Variants in DGCR2 observed in about 807,000 individuals in gnomAD.
The protein encoded by DGCR2 is DiGeorge syndrome critical region gene 2, also known as integral membrane protein DGCR2/IDD.
DGCR2 carries 24 observed loss-of-function variants against 51.6 expected under a neutral mutation model. The ratio of observed to expected loss-of-function variants is 0.47; its 90% CI spans 0.34 to 0.65. The LOEUF (loss-of-function observed/expected upper bound fraction) is 0.65, where lower values mean the gene tolerates loss of function less well. Ranked by LOEUF, DGCR2 falls within the 30% of genes least tolerant of loss-of-function variation. DGCR2 has a pLI of 0.01. For synonymous variants in DGCR2, 340 were observed against 315.4 expected, an observed-to-expected ratio of 1.08 and a Z score of -0.82; for missense variants, 765 against 772.1, an observed-to-expected ratio of 0.99 and a Z score of 0.11.
chr22:19,121,046 A>T (rs2083425992), intron 1 of DGCR2, among the ~76,000 whole-genome samples: 2 of 152,198 alleles, frequency 1.3e-5, no homozygotes, highest in South Asian at 2.1e-4. Flanking sequence ...AGATGACACA[A>T]GCGCAGAGCC....
At chr22:19,086,252 C>G (rs144058023) in intron 2 of DGCR2, among the ~76,000 whole-genome samples, 3 of 152,006 alleles carry the variant, frequency 2.0e-5, no homozygotes, top group African/African-American at 7.2e-5. Context: ...CCGAGGAGAG[C>G]GGATCACAAG....
chr22:19,082,819 G>A (rs1178931579), intron 2 of DGCR2, among the ~76,000 whole-genome samples: 2 of 151,966 alleles, frequency 1.3e-5, no homozygotes, highest in Admixed American at 6.6e-5. Context: ...GGGCGCAGTG[G>A]CTCATGCCCC....
chr22:19,100,616 A>T (rs2083191036), intron 1 of DGCR2, among the ~76,000 whole-genome samples: 1 of 151,606 alleles, frequency 6.6e-6, no homozygotes, highest in Admixed American at 6.6e-5. Context: ...CAGTGAGCCA[A>T]GATCGTGCCA....
chr22:19,082,230 T>TC (rs1248080369), intron 2 of DGCR2, among the ~76,000 whole-genome samples: 2 of 144,060 alleles, frequency 1.4e-5, no homozygotes, highest in Non-Finnish European at 3.0e-5. Flanking sequence ...TTCTTTTTTT[T>TC]TTTTTTTTTT....
intron 1 of DGCR2, among the ~76,000 whole-genome samples, chr22:19,116,932 T>C (rs1831775762): frequency 6.6e-6 from 1 of 151,586 alleles, no homozygotes; most frequent in African/African-American, 2.4e-5. Context: ...CCACTACTGC[T>C]AAGAGGAAAC....
intron 1 of DGCR2, among the ~76,000 whole-genome samples, chr22:19,115,365 G>T (rs1398464829): frequency 6.6e-6 from 1 of 152,158 alleles, no homozygotes; most frequent in Non-Finnish European, 1.5e-5. Context: ...TTAATGAGAA[G>T]CCACACTTGC....
At chr22:19,048,356 C>T in intron 7 of DGCR2, 84 bp downstream of exon 7, 1 of 1,466,488 alleles carries the variant, frequency 6.8e-7, no homozygotes, top group Non-Finnish European at 9.5e-7. Flanking sequence ...CTCCTGAGTC[C>T]TCACCACTGA....
chr22:19,111,875 C>G (rs2083319358), intron 1 of DGCR2, among the ~76,000 whole-genome samples: 1 of 147,706 alleles, frequency 6.8e-6, no homozygotes, highest in Non-Finnish European at 1.5e-5. Context: ...TTTTTGTCTC[C>G]AGGAAGAAAC....
intron 3 of DGCR2, among the ~76,000 whole-genome samples, chr22:19,066,432 AC>A (rs1337870968): frequency 6.7e-6 from 1 of 149,694 alleles, no homozygotes; most frequent in Non-Finnish European, 1.5e-5. Context: ...AAACAAACAA[AC>A]AAAAAAAAAC....
At chr22:19,043,065 G>A (rs118036702) in intron 7 of DGCR2, among the ~76,000 whole-genome samples, 29 of 152,176 alleles carry the variant, frequency 1.9e-4, no homozygotes, top group Non-Finnish European at 3.5e-4. Context: ...GGGTGGACCC[G>A]ACTCCACCTC....
rs1395730018 is a variant in DGCR2, at chr22:19,041,051, C to A, written c.1396+7G>T. ...AAGGTGTTCCCTCTCCCTGGGGAGT[C>A]AGGCACCTGCAGGGTCATAGAACAC... On this transcript the variant is annotated splice_region_variant and intron_variant, in intron 9 of 9. Transcript: ENST00000263196. The A allele has an allele frequency of 6.3e-7, 1 of 1,575,270 alleles. No homozygotes were observed. The highest frequency in any genetic ancestry group is 1.7e-5 in the Admixed American group (1 of 57,604).
At chr22:19,120,365 G>A (rs968540912) in intron 1 of DGCR2, among the ~76,000 whole-genome samples, 1 of 152,094 alleles carries the variant, frequency 6.6e-6, no homozygotes, top group African/African-American at 2.4e-5. Flanking sequence ...CCACCTCTGG[G>A]ACCCCACACT....
chr22:19,039,513 G>A (rs1454494153), intron 9 of DGCR2, among the ~76,000 whole-genome samples: 2 of 152,170 alleles, frequency 1.3e-5, no homozygotes, highest in East Asian at 1.9e-4. Flanking sequence ...GAAGGCAGGG[G>A]CATTTGTCAT....
At chr22:19,039,897 A>G (rs1287616411) in intron 9 of DGCR2, among the ~76,000 whole-genome samples, 1 of 144,982 alleles carries the variant, frequency 6.9e-6, no homozygotes, top group Non-Finnish European at 1.5e-5. Flanking sequence ...TTTTTTGTGG[A>G]GAAGGAGGTC....
intron 1 of DGCR2, among the ~76,000 whole-genome samples, chr22:19,110,533 G>C (rs1287289810): frequency 2.6e-5 from 4 of 151,966 alleles, no homozygotes; most frequent in Non-Finnish European, 5.9e-5. Context: ...CTAGATGACA[G>C]GTTGTTAGGT....
intron 2 of DGCR2, among the ~76,000 whole-genome samples, chr22:19,069,934 A>G (rs2082795114): frequency 6.6e-6 from 1 of 152,186 alleles, no homozygotes; most frequent in African/African-American, 2.4e-5. Context: ...GAAAGTGAAG[A>G]CCTCAAAGGG....
At chr22:19,079,113 A>G (rs1238167694) in intron 2 of DGCR2, among the ~76,000 whole-genome samples, 1 of 152,174 alleles carries the variant, frequency 6.6e-6, no homozygotes, top group African/African-American at 2.4e-5. Context: ...TTAATGTACA[A>G]TTCTTAACAG....
intron 7 of DGCR2, among the ~76,000 whole-genome samples, chr22:19,043,630 C>T (rs2082457058): frequency 6.6e-6 from 1 of 152,070 alleles, no homozygotes; most frequent in Admixed American, 6.5e-5. Flanking sequence ...AGCAGGAGGA[C>T]CCCACACCAG....
At chr22:19,121,459 G>C (rs367774739) in intron 1 of DGCR2, 1 of 152,188 alleles carries the variant, frequency 6.6e-6, no homozygotes, top group African/African-American at 2.4e-5. Context: ...GTAGAAAAGG[G>C]TCTCCTGGTT....
Sources: allele counts gnomAD v4.1 joint callset (sites outside exome capture counted in the v4.1 genomes callset), GRCh38; gene constraint gnomAD v4.1.1; transcripts MANE v1.5; gene names NCBI Gene and HGNC (gene_info 2026-07-23, HGNC 2026-07-21).